The following PRKCA variants were observed in gnomAD, a reference collection of about 807,000 sequenced individuals.
The protein encoded by PRKCA is protein kinase C alpha.
PRKCA carries 27 observed loss-of-function variants against 87.0 expected under a neutral mutation model. The ratio of observed to expected loss-of-function variants is 0.31; its 90% CI spans 0.23 to 0.43. The LOEUF is 0.43. PRKCA is among the 20% of genes least tolerant of loss of function. The pLI is 1.00. For synonymous variants in PRKCA, 329 were observed against 311.1 expected, an observed-to-expected ratio of 1.06 and a Z score of -0.61; for missense variants, 518 against 852.3, an observed-to-expected ratio of 0.61 and a Z score of 4.88.
intron 3 of PRKCA, among the ~76,000 whole-genome samples, chr17:66,541,258 A>T (rs1256263083): frequency 6.6e-6 from 1 of 152,180 alleles, no homozygotes; most frequent in Non-Finnish European, 1.5e-5. Context: ...ACCAAGAGTT[A>T]GCTGCAGATT....
chr17:66,551,229 A>G (rs1407901102), intron 3 of PRKCA, among the ~76,000 whole-genome samples: 2 of 152,072 alleles, frequency 1.3e-5, no homozygotes, highest in Non-Finnish European at 2.9e-5. Flanking sequence ...CACCTGGCTA[A>G]TTTTTTATAC....
chr17:66,618,447 C>T (rs11868253), intron 3 of PRKCA, among the ~76,000 whole-genome samples: 19,908 of 151,518 alleles, frequency 0.13, 1,513 homozygotes, highest in Middle Eastern at 0.18. Flanking sequence ...TGTCTATAGT[C>T]TCTACACAAA....
At chr17:66,562,592 T>TTTTG (rs1555619921) in intron 3 of PRKCA, among the ~76,000 whole-genome samples, 4,637 of 150,766 alleles carry the variant, frequency 0.031, 118 homozygotes, top group African/African-American at 0.067. Flanking sequence ...TTTGTTTTTT[T>TTTTG]TTGTTGTTGT....
At chr17:66,566,480 G>GTTTTTTTTTTTTT (rs56912157) in intron 3 of PRKCA, among the ~76,000 whole-genome samples, 5 of 97,016 alleles carry the variant, frequency 5.2e-5, no homozygotes, top group African/African-American at 1.1e-4. Context: ...TTGTTTTTTG[G>GTTTTTTTTTTTTT]TTTTTTTTTT....
intron 2 of PRKCA, among the ~76,000 whole-genome samples, chr17:66,434,570 G>A (rs1913269435): frequency 6.6e-6 from 1 of 152,112 alleles, no homozygotes; most frequent in South Asian, 2.1e-4. Context: ...GTTGGTGCTG[G>A]CATTTTGACG....
chr17:66,304,167 G>A (rs192654571), intron 1 of PRKCA, among the ~76,000 whole-genome samples: 119 of 152,276 alleles, frequency 7.8e-4, no homozygotes, highest in African/African-American at 2.7e-3. Context: ...GGGGGCTTAT[G>A]GAGAATCGAT....
intron 2 of PRKCA, among the ~76,000 whole-genome samples, chr17:66,333,521 C>T (rs192402911): frequency 1.3e-5 from 2 of 152,250 alleles, no homozygotes; most frequent in Admixed American, 1.3e-4. Context: ...TATATAATTA[C>T]ATTCTTTATC....
At chr17:66,682,709 G>A (rs768180866) in intron 5 of PRKCA, among the ~76,000 whole-genome samples, 1 of 147,240 alleles carries the variant, frequency 6.8e-6, no homozygotes, top group Non-Finnish European at 1.5e-5. Flanking sequence ...GTGTGATTTT[G>A]TTGTTGTTGT....
intron 2 of PRKCA, among the ~76,000 whole-genome samples, chr17:66,352,556 AG>A (rs1907805597): frequency 1.0e-5 from 1 of 96,202 alleles, no homozygotes; most frequent in South Asian, 4.0e-4. Context: ...GTGTTTTTTG[AG>A]GTTTTTTTTT....
chr17:66,605,937 G>T (rs1267034819), intron 3 of PRKCA, among the ~76,000 whole-genome samples: 1 of 152,176 alleles, frequency 6.6e-6, no homozygotes, highest in Non-Finnish European at 1.5e-5. Flanking sequence ...GGGAGCATTT[G>T]AAGGGGATTG....
chr17:66,519,821 C>T (rs1008524663), intron 3 of PRKCA, among the ~76,000 whole-genome samples: 8 of 152,330 alleles, frequency 5.3e-5, no homozygotes, highest in African/African-American at 1.9e-4. Context: ...ATTTCCCAAG[C>T]TCTCCAAGTA....
chr17:66,306,200 A>C, intron 2 of PRKCA, 73 bp downstream of exon 2: 2 of 1,409,682 alleles, frequency 1.4e-6, no homozygotes, highest in South Asian at 1.2e-5. Context: ...CATTATTTCC[A>C]GTCATATTTT....
At chr17:66,477,561 G>A (rs938085034) in intron 2 of PRKCA, among the ~76,000 whole-genome samples, 1 of 152,096 alleles carries the variant, frequency 6.6e-6, no homozygotes, top group African/African-American at 2.4e-5. Flanking sequence ...TTAGCCGAGC[G>A]TGGTGGCGGG....
At chr17:66,801,360 C>T (rs1275178444) in intron 16 of PRKCA, among the ~76,000 whole-genome samples, 1 of 152,208 alleles carries the variant, frequency 6.6e-6, no homozygotes, top group East Asian at 1.9e-4. Context: ...AGGCTTGTCC[C>T]ACCCAAGTCA....
chr17:66,440,110 T>C (rs1479294343), intron 2 of PRKCA, among the ~76,000 whole-genome samples: 5 of 152,210 alleles, frequency 3.3e-5, no homozygotes, highest in Admixed American at 3.3e-4. Context: ...TTATTTCCTA[T>C]GAAATGCCAG....
intron 3 of PRKCA, among the ~76,000 whole-genome samples, chr17:66,569,455 G>A (rs1190812052): frequency 6.6e-6 from 1 of 152,186 alleles, no homozygotes; most frequent in African/African-American, 2.4e-5. Context: ...TGTAATCCCA[G>A]CTACCTGGGA....
chr17:66,729,536 C>T (rs1313532777), intron 8 of PRKCA, among the ~76,000 whole-genome samples: 1 of 152,200 alleles, frequency 6.6e-6, no homozygotes, highest in African/African-American at 2.4e-5. Context: ...TGTGTAGCAT[C>T]ACAGTTCATG....
At chr17:66,646,444 G>A (rs1971458217) in intron 5 of PRKCA, among the ~76,000 whole-genome samples, 1 of 83,536 alleles carries the variant, frequency 1.2e-5, no homozygotes, top group South Asian at 5.8e-4. Flanking sequence ...TCAGGCATCA[G>A]CCTATTTCCT....
At chr17:66,688,202 T>C (rs1972682279) in intron 6 of PRKCA, 100 bp from the exon 7 acceptor site, 3 of 1,442,294 alleles carry the variant, frequency 2.1e-6, no homozygotes, top group Non-Finnish European at 2.8e-6. Context: ...AAGACAAATA[T>C]ACTATTTCTT....
Sources: gnomAD v4.1 joint callset for allele counts (sites outside exome capture counted in the v4.1 genomes callset) on GRCh38, gnomAD v4.1.1 for gene constraint, MANE v1.5 for transcripts, NCBI Gene and HGNC (gene_info 2026-07-23, HGNC 2026-07-21) for gene names.